Variants in FAR2 observed in about 807,000 individuals in gnomAD.
FAR2 encodes epididymis secretory protein Li 81.
In FAR2, 19 loss-of-function variants were observed where a neutral mutation model predicts 56.0. The observed-to-expected ratio is 0.34, with a 90% CI of 0.24 to 0.50. The LOEUF (loss-of-function observed/expected upper bound fraction) is 0.50, where lower values mean the gene tolerates loss of function less well. Ranked by LOEUF, FAR2 falls within the 20% of genes least tolerant of loss-of-function variation. The probability of loss-of-function intolerance (pLI) is 0.98; values close to 1 mark genes in which losing one functional copy is unlikely to be tolerated. For missense variants in FAR2, 508 were observed against 642.2 expected (o/e 0.79, Z 2.26); for synonymous variants, 219 against 218.8 (o/e 1.00, Z -0.01).
At chr12:29,226,389 T>G (rs1261206906) in intron 1 of FAR2, among the ~76,000 whole-genome samples, 1 of 152,216 alleles carries the variant, frequency 6.6e-6, no homozygotes, top group African/African-American at 2.4e-5. Context: ...ATTTGAACTC[T>G]TGTACTTTTC....
rs1343469393 is a variant in FAR2 at position 29,322,039 on chromosome 12, G to T, written c.1257+115G>T. On this transcript the variant is annotated intron_variant, in intron 10 of 11. Transcript: ENST00000536681. The stretch of plus-strand genomic sequence containing the variant: ...ACGTTTGGTTATAGACACAGATTTT[G>T]TTTTGCTTTGTTTTTCTAAGAAAAT... 10 of 1,217,540 alleles carry T rather than the reference G, an allele frequency of 8.2e-6. No homozygotes were observed. In the Admixed American group the frequency reaches 3.0e-4, roughly 36 times the overall value. The allele number at this position is 1,217,540 out of a possible 1,614,324, so 75.4% of individuals were successfully genotyped here.
At chr12:29,160,233 A>G (rs967344949) in intron 1 of FAR2, among the ~76,000 whole-genome samples, 3 of 152,228 alleles carry the variant, frequency 2.0e-5, no homozygotes, top group African/African-American at 7.2e-5. Flanking sequence ...CCTCACAGAG[A>G]CTGTACAGCT....
chr12:29,296,993 G>T (rs1949082854), intron 3 of FAR2, 28 bp from the exon 4 acceptor site: 3 of 1,560,126 alleles, frequency 1.9e-6, no homozygotes, highest in Non-Finnish European at 2.6e-6. Context: ...TTACTTCATT[G>T]TATTTCCTTC....
At chr12:29,323,615 C>G in intron 10 of FAR2, among the ~76,000 whole-genome samples, 1 of 152,240 alleles carries the variant, frequency 6.6e-6, no homozygotes, top group Non-Finnish European at 1.5e-5. Flanking sequence ...GCAGCCACCG[C>G]TGCTGATACC....
chr12:29,313,629 G>A (rs1273488728), intron 8 of FAR2, among the ~76,000 whole-genome samples: 13 of 152,010 alleles, frequency 8.6e-5, no homozygotes, highest in Admixed American at 8.5e-4. Context: ...GTTTCTACTG[G>A]AATCAGTTTT....
chr12:29,256,721 GGGCCCTGCACTCGGAGCACTCGGCC>G (rs1439297890), intron 1 of FAR2, among the ~76,000 whole-genome samples: 1 of 152,146 alleles, frequency 6.6e-6, no homozygotes, highest in Non-Finnish European at 1.5e-5. Flanking sequence ...TGGGCTTGGC[GGGCCCTGCACTCGGAGCACTCGGCC>G]GGCCCTGCCA....
intron 1 of FAR2, among the ~76,000 whole-genome samples, chr12:29,226,482 A>C (rs906270000): frequency 6.6e-6 from 1 of 152,210 alleles, no homozygotes; most frequent in Admixed American, 6.5e-5. Flanking sequence ...GCAAAAATTC[A>C]TATGCAGATT....
chr12:29,244,402 T>C (rs1178139603), intron 1 of FAR2, among the ~76,000 whole-genome samples: 1 of 152,212 alleles, frequency 6.6e-6, no homozygotes, highest in Non-Finnish European at 1.5e-5. Flanking sequence ...CTTCCAGTGA[T>C]TTAACAGAAA....
chr12:29,254,424 T>C (rs1948281633), intron 1 of FAR2, among the ~76,000 whole-genome samples: 1 of 152,248 alleles, frequency 6.6e-6, no homozygotes, highest in South Asian at 2.1e-4. Context: ...GGTCCCAAAC[T>C]CCTGAGCTCA....
At chr12:29,210,803 T>A (rs1321128968) in intron 1 of FAR2, among the ~76,000 whole-genome samples, 2 of 152,070 alleles carry the variant, frequency 1.3e-5, no homozygotes, top group East Asian at 1.9e-4. Flanking sequence ...AATAGAAAAC[T>A]TAATCGGGTG....
chr12:29,202,627 T>A (rs933030598), intron 1 of FAR2, among the ~76,000 whole-genome samples: 14 of 152,204 alleles, frequency 9.2e-5, no homozygotes, highest in African/African-American at 3.4e-4. Context: ...GGATCCCTCA[T>A]AAATGGCTTG....
intron 11 of FAR2, chr12:29,333,035 C>G (rs1949754692): frequency 2.4e-6 from 1 of 408,512 alleles, no homozygotes; most frequent in Non-Finnish European, 4.7e-6. Context: ...TTTGTTTCTT[C>G]TACCACACTC....
At chr12:29,307,182 T>C (rs184143321) in intron 4 of FAR2, among the ~76,000 whole-genome samples, 160 of 152,290 alleles carry the variant, frequency 1.1e-3, no homozygotes, top group African/African-American at 3.7e-3. Context: ...ATGTGTTCAA[T>C]GAGTGTACTT....
intron 5 of FAR2, 152 bp from the exon 6 acceptor site, chr12:29,309,034 C>T: frequency 1.5e-6 from 1 of 659,732 alleles, no homozygotes; most frequent in South Asian, 1.7e-5. Context: ...TTGCCATTAT[C>T]TTTTGAGATC....
chr12:29,164,946 G>T (rs886076566), intron 1 of FAR2, among the ~76,000 whole-genome samples: 1 of 152,168 alleles, frequency 6.6e-6, no homozygotes, highest in Non-Finnish European at 1.5e-5. Context: ...ACTTGCTGTT[G>T]CCTGGTGTCA....
chr12:29,162,106 A>G (rs1463097330), intron 1 of FAR2, among the ~76,000 whole-genome samples: 5 of 152,164 alleles, frequency 3.3e-5, no homozygotes, highest in Non-Finnish European at 7.4e-5. Flanking sequence ...TTTAATGAAC[A>G]CAAATTCTTA....
intron 10 of FAR2, among the ~76,000 whole-genome samples, chr12:29,322,939 G>C (rs1017797779): frequency 1.2e-4 from 18 of 152,194 alleles, no homozygotes; most frequent in Non-Finnish European, 2.4e-4. Flanking sequence ...TTCACCCACT[G>C]TCCTGCACCC....
chr12:29,157,106 T>TTTTATATATA (rs1207127541), intron 1 of FAR2: 3 of 73,450 alleles, frequency 4.1e-5, no homozygotes, highest in Admixed American at 2.0e-4. Context: ...AAAGAACATT[T>TTTTATATATA]TATATATATA....
At chr12:29,260,281 G>A (rs1000021935) in intron 1 of FAR2, among the ~76,000 whole-genome samples, 1 of 152,212 alleles carries the variant, frequency 6.6e-6, no homozygotes, top group African/African-American at 2.4e-5. Context: ...GTGGAGGCAA[G>A]AGGTAGAAGA....
Sources: allele counts gnomAD v4.1 joint callset (sites outside exome capture counted in the v4.1 genomes callset), GRCh38; gene constraint gnomAD v4.1.1; transcripts MANE v1.5; gene names NCBI Gene and HGNC (gene_info 2026-07-23, HGNC 2026-07-21).